CELF6: variants seen among roughly 807,000 people sequenced by gnomAD.
CELF6 encodes Bruno -like 6, RNA binding protein.
Under a neutral mutation model 53.1 loss-of-function variants are expected in CELF6, and 32 were observed. That is an observed-to-expected ratio of 0.60 (90% CI 0.46 to 0.81). The LOEUF is 0.81. Ranked by LOEUF, CELF6 falls within the 30% of genes least tolerant of loss-of-function variation. The pLI is 0.00. For synonymous variants in CELF6, 291 were observed against 288.8 expected (o/e 1.01, Z -0.08); for missense variants, 539 against 669.5 (o/e 0.81, Z 2.15).
At chr15:72,307,109 T>C (rs1595783536) in intron 2 of CELF6, among the ~76,000 whole-genome samples, 1 of 152,178 alleles carries the variant, frequency 6.6e-6, no homozygotes, top group African/African-American at 2.4e-5. Context: ...ATTTTATTAG[T>C]TCTTAAATAG....
intron 2 of CELF6, chr15:72,313,628 G>T: frequency 3.9e-6 from 1 of 259,500 alleles, no homozygotes; most frequent in Non-Finnish European, 6.0e-6. Flanking sequence ...GCTCACGTGG[G>T]CCTCCCCCAC....
chr15:72,297,525 C>T (rs1013667888), intron 3 of CELF6, among the ~76,000 whole-genome samples: 6 of 152,132 alleles, frequency 3.9e-5, no homozygotes, highest in Admixed American at 3.9e-4. Flanking sequence ...AACGGATAAA[C>T]AAAATGTGGT....
At position 72,287,363 on chromosome 15, in the gene CELF6, C is replaced by T; in HGVS notation, c.1348G>A (p.Ala450Thr). The T allele has an allele frequency of 1.2e-6, 2 of 1,614,156 alleles. No homozygotes were observed. The highest frequency in any genetic ancestry group is 1.7e-6 in the Non-Finnish European group (2 of 1,179,994). The change falls in exon 12 of 13, where the codon GCC becomes ACC. Residue 450 changes from alanine (A) to threonine (T), a missense_variant. Physicochemically the swap from Ala to Thr is moderately conservative, Grantham distance 58 (BLOSUM62 0). This residue lies in a region of CELF6 where 358 missense variants were observed against 412.8 expected (regional missense o/e 0.87). Transcript: ENST00000287202. ...GFVSFDNPTS[A>T]QTAIQAMNGF... ...TTCATCGCCTGAATAGCAGTCTGGG[C>T]ACTAGTTGGATTGTCAAAACTAACA...
At chr15:72,316,973 T>G (rs2088371493) in intron 1 of CELF6, among the ~76,000 whole-genome samples, 2 of 152,152 alleles carry the variant, frequency 1.3e-5, no homozygotes, top group Non-Finnish European at 2.9e-5. Context: ...CACTGAGTCC[T>G]TAACAATCAG....
chr15:72,289,297 G>A lies in CELF6; in HGVS notation c.881-10C>T, dbSNP rs769353475. 7.1e-6 allele frequency: 11 copies of A among 1,560,016 alleles called. No homozygotes were observed. Among genetic ancestry groups the A allele is most frequent in the South Asian group, 1.2e-5 (1 of 85,726 alleles). On this transcript the variant is annotated splice_polypyrimidine_tract_variant and intron_variant, in intron 7 of 12. Coordinates refer to ENST00000287202, the MANE Select transcript of CELF6 (RefSeq NM_052840.5). This position sits in a 1 kb window ranked among gnomAD's most constrained non-coding sequence, Gnocchi z 7.6. ...GGCGGGGAGTTGGCTGCTGATGGCG[G>A]AAAAGGTCTGAGAGTCAGGCCGCCA...
intron 3 of CELF6, among the ~76,000 whole-genome samples, 158 bp from the exon 4 acceptor site, chr15:72,290,413 AG>A (rs1334725165): frequency 6.6e-6 from 1 of 152,062 alleles, no homozygotes; most frequent in Non-Finnish European, 1.5e-5. Context: ...ATTGAGGGGC[AG>A]GATCTGGGGA....
chr15:72,307,642 G>T (rs964693400), intron 2 of CELF6, among the ~76,000 whole-genome samples: 10 of 152,186 alleles, frequency 6.6e-5, no homozygotes, highest in Non-Finnish European at 7.4e-5. Flanking sequence ...TGGTTGAGCT[G>T]GGATTTACCC....
chr15:72,289,800 C>A lies in CELF6; in HGVS notation c.604-30G>T, dbSNP rs758633746. 1.4e-6 allele frequency: 2 copies of A among 1,448,552 alleles called. No individual in the cohort carries two copies. The highest frequency in any genetic ancestry group is 1.8e-6 in the Non-Finnish European group (2 of 1,105,412). The allele number at this position is 1,448,552 out of a possible 1,614,324, so 89.7% of individuals were successfully genotyped here. A position where few individuals can be genotyped will look rare whatever the true frequency, so the allele number is the denominator to read the frequency against. On this transcript the variant is annotated intron_variant, in intron 5 of 12. Transcript: ENST00000287202. The surrounding 1 kb of genome is among the most constrained non-coding windows in gnomAD (Gnocchi z 7.6). The stretch of plus-strand genomic sequence containing the variant: ...GCAGGGCAGGGGAGGCCGTGGTGAC[C>A]GGTCCTGACCCTGGCCCCGGCCCGG...
At chr15:72,309,588 T>C (rs1418014531) in intron 2 of CELF6, among the ~76,000 whole-genome samples, 1 of 152,080 alleles carries the variant, frequency 6.6e-6, no homozygotes, top group Admixed American at 6.6e-5. Flanking sequence ...GCTCTGAGCC[T>C]TCAGTCCCCA....
At chr15:72,294,881 G>T (rs2088055358) in intron 3 of CELF6, among the ~76,000 whole-genome samples, 1 of 150,950 alleles carries the variant, frequency 6.6e-6, no homozygotes, top group Admixed American at 6.6e-5. Context: ...GCAAGGCTGA[G>T]GCAGGAGAAT....
rs1375486997 is a variant in CELF6 at position 72,289,302 on chromosome 15, G to A, written c.881-15C>T. Reference sequence around the variant, plus strand: ...GGAGTTGGCTGCTGATGGCGGAAAAGGTCTGAGAGTCAGGCCGCCACCCCG... The same window carrying A: ...GGAGTTGGCTGCTGATGGCGGAAAAAGTCTGAGAGTCAGGCCGCCACCCCG... On this transcript the variant is annotated splice_polypyrimidine_tract_variant and intron_variant, in intron 7 of 12. Transcript: ENST00000287202. This position sits in a 1 kb window ranked among gnomAD's most constrained non-coding sequence, Gnocchi z 7.6. The A allele has an allele frequency of 6.4e-7, 1 of 1,557,880 alleles. No homozygotes were observed. Among genetic ancestry groups the A allele is most frequent in the East Asian group, 2.3e-5 (1 of 42,708 alleles).
intron 1 of CELF6, among the ~76,000 whole-genome samples, chr15:72,316,333 A>C (rs900037914): frequency 2.6e-5 from 4 of 152,142 alleles, no homozygotes; most frequent in Non-Finnish European, 5.9e-5. Context: ...ATCAGCCTCA[A>C]TTCCTTCCCA....
chr15:72,307,661 G>C (rs1384933901), intron 2 of CELF6, among the ~76,000 whole-genome samples: 1 of 152,214 alleles, frequency 6.6e-6, no homozygotes, highest in Non-Finnish European at 1.5e-5. Context: ...CCCCAGATCT[G>C]TCTGAGGCTG....
At chr15:72,313,061 T>C (rs767031461) in intron 2 of CELF6, among the ~76,000 whole-genome samples, 53 of 152,342 alleles carry the variant, frequency 3.5e-4, no homozygotes, top group Admixed American at 1.0e-3. Context: ...GTTGGAGACC[T>C]GCAGATGAAA....
chr15:72,317,373 C>T (rs1440015230), intron 1 of CELF6, among the ~76,000 whole-genome samples: 2 of 152,168 alleles, frequency 1.3e-5, no homozygotes, highest in African/African-American at 2.4e-5. Flanking sequence ...CAAATGGGAA[C>T]ATTTTTTTCT....
rs780757967 is a variant in CELF6, at chr15:72,304,783, C to T, written c.357G>A (p.Pro119=). ...CACTGGCAGCTGGCTTCACTTGGAT[C>T]GGACGATTCATCTGAAAGACATCGG... ...EQKTLPGMNR[P]IQVKPAASEG... The change falls in exon 3 of 13, where the codon CCG becomes CCA. Residue 119 remains proline (P), a synonymous_variant. Transcript: ENST00000287202. 8 of 1,614,024 alleles carry T rather than the reference C, an allele frequency of 5.0e-6. No individual in the cohort carries two copies. The highest frequency in any genetic ancestry group is 3.3e-5 in the South Asian group (3 of 91,092).
intron 2 of CELF6, among the ~76,000 whole-genome samples, chr15:72,307,169 C>A (rs2140302273): frequency 6.6e-6 from 1 of 152,248 alleles, no homozygotes; most frequent in African/African-American, 2.4e-5. Context: ...CACGTGACAG[C>A]AGCAGTTTCC....
chr15:72,300,286 A>G (rs1458547614), intron 3 of CELF6, among the ~76,000 whole-genome samples: 1 of 151,912 alleles, frequency 6.6e-6, no homozygotes, highest in East Asian at 1.9e-4. Flanking sequence ...ACTTGAGCCC[A>G]GGAGTTCAAG....
In CELF6 at chr15:72,288,633, G is replaced by A. The variant is rs748086783; in HGVS notation, c.1094-15C>T. 3 of 1,552,546 alleles carry A rather than the reference G, an allele frequency of 1.9e-6. No individual in the cohort carries two copies. The highest frequency in any genetic ancestry group is 1.9e-5 in the Admixed American group (1 of 52,696). The stretch of plus-strand genomic sequence containing the variant: ...CGGATAGGCTGCTGGAGACAGAGGT[G>A]GGAGTGGACAGTGATCCCCAGGAGC... On this transcript the variant is annotated splice_polypyrimidine_tract_variant and intron_variant, in intron 9 of 12. Coordinates refer to ENST00000287202, the MANE Select transcript of CELF6 (RefSeq NM_052840.5). This position sits in a 1 kb window ranked among gnomAD's most constrained non-coding sequence, Gnocchi z 4.6.
Sources: gnomAD v4.1 joint callset for allele counts (sites outside exome capture counted in the v4.1 genomes callset) on GRCh38, gnomAD v4.1.1 for gene constraint, gnomAD v4.1.1 regional missense constraint, Gnocchi (gnomAD v3.1) non-coding constraint, MANE v1.5 for transcripts, NCBI Gene and HGNC (gene_info 2026-07-23, HGNC 2026-07-21) for gene names.